The following ZFPM2 variants were observed in gnomAD, a reference collection of about 807,000 sequenced individuals.
The protein encoded by ZFPM2 is zinc finger protein, FOG family member 2.
A neutral mutation model predicts 98.6 loss-of-function variants in ZFPM2; 20 were observed. The ratio of observed to expected loss-of-function variants is 0.20; its 90% CI spans 0.14 to 0.29. The LOEUF (loss-of-function observed/expected upper bound fraction) is 0.29, where lower values mean the gene tolerates loss of function less well. ZFPM2 is among the 10% of genes least tolerant of loss of function. The pLI is 1.00. For missense variants in ZFPM2, 1,310 were observed against 1,388.6 expected, an observed-to-expected ratio of 0.94 and a Z score of 0.90; for synonymous variants, 518 against 502.7, an observed-to-expected ratio of 1.03 and a Z score of -0.41.
intron 3 of ZFPM2, among the ~76,000 whole-genome samples, chr8:105,527,600 G>A (rs992474654): frequency 1.3e-5 from 2 of 152,184 alleles, no homozygotes; most frequent in African/African-American, 4.8e-5. Context: ...TGCCCTTTTT[G>A]TAGGCTTTAC....
chr8:105,408,649 G>A (rs546185014), intron 1 of ZFPM2, among the ~76,000 whole-genome samples: 4 of 151,894 alleles, frequency 2.6e-5, no homozygotes, highest in South Asian at 2.1e-4. Flanking sequence ...AACAATATGC[G>A]GGATCTACAA....
chr8:105,701,071 A>G (rs1811130730), intron 5 of ZFPM2, among the ~76,000 whole-genome samples: 1 of 152,230 alleles, frequency 6.6e-6, no homozygotes, highest in East Asian at 1.9e-4. Flanking sequence ...TATATCAATA[A>G]CATTTTGGAT....
intron 2 of ZFPM2, among the ~76,000 whole-genome samples, chr8:105,431,514 C>T (rs947987204): frequency 3.9e-5 from 6 of 152,016 alleles, no homozygotes; most frequent in East Asian, 1.9e-4. Flanking sequence ...TCCTGGATAT[C>T]GTAGAATTTA....
intron 1 of ZFPM2, among the ~76,000 whole-genome samples, chr8:105,363,975 T>G (rs1269704136): frequency 6.6e-6 from 1 of 152,108 alleles, no homozygotes; most frequent in East Asian, 1.9e-4. Flanking sequence ...AACTGAGATA[T>G]AGGTTTTTTT....
At chr8:105,534,410 C>CCTTCCTTCCTCTCTTCCTCCTTTT (rs776246818) in intron 3 of ZFPM2, among the ~76,000 whole-genome samples, 9,044 of 140,536 alleles carry the variant, frequency 0.064, 488 homozygotes, top group African/African-American at 0.13. Context: ...ACCTTTCCTT[C>CCTTCCTTCCTCTCTTCCTCCTTTT]CTTCCTTCCT....
intron 5 of ZFPM2, among the ~76,000 whole-genome samples, chr8:105,650,144 AT>A (rs1006306207): frequency 6.6e-6 from 1 of 151,888 alleles, no homozygotes; most frequent in African/African-American, 2.4e-5. Flanking sequence ...TTTCTTCTAG[AT>A]TTTCTAGTTT....
chr8:105,433,347 A>G (rs1445604282), intron 2 of ZFPM2, among the ~76,000 whole-genome samples: 1 of 152,206 alleles, frequency 6.6e-6, no homozygotes, highest in African/African-American at 2.4e-5. Flanking sequence ...ACTGTGTTCA[A>G]TAATTCAATG....
At chr8:105,730,490 A>G (rs1449774207) in intron 5 of ZFPM2, among the ~76,000 whole-genome samples, 1 of 151,704 alleles carries the variant, frequency 6.6e-6, no homozygotes, top group African/African-American at 2.4e-5. Flanking sequence ...TAGATTTTAC[A>G]TGCACAAAGT....
chr8:105,565,253 A>T (rs1815219305), intron 4 of ZFPM2, among the ~76,000 whole-genome samples: 1 of 152,176 alleles, frequency 6.6e-6, no homozygotes. Context: ...TTTAAAAAAC[A>T]CAGAAACACC....
At chr8:105,649,019 G>A (rs1817113525) in intron 5 of ZFPM2, among the ~76,000 whole-genome samples, 1 of 152,160 alleles carries the variant, frequency 6.6e-6, no homozygotes, top group Non-Finnish European at 1.5e-5. Flanking sequence ...AGCATGGAAT[G>A]TTCTTCCATT....
chr8:105,342,277 C>A (rs1812444725), intron 1 of ZFPM2, among the ~76,000 whole-genome samples: 1 of 152,094 alleles, frequency 6.6e-6, no homozygotes, highest in African/African-American at 2.4e-5. Flanking sequence ...ATGAGCTGTG[C>A]TGAATCATTC....
chr8:105,704,243 A>C (rs1446623655), intron 5 of ZFPM2, among the ~76,000 whole-genome samples: 1 of 152,220 alleles, frequency 6.6e-6, no homozygotes, highest in Non-Finnish European at 1.5e-5. Flanking sequence ...ATAAAACTAC[A>C]TATTTCCTCC....
chr8:105,421,614 T>A (rs183074103), intron 2 of ZFPM2, among the ~76,000 whole-genome samples: 1 of 152,280 alleles, frequency 6.6e-6, no homozygotes, highest in African/African-American at 2.4e-5. Context: ...ATTCTTCACT[T>A]AAGTTGATGA....
chr8:105,598,688 G>GT (rs1188976064), intron 4 of ZFPM2, among the ~76,000 whole-genome samples: 2 of 151,940 alleles, frequency 1.3e-5, no homozygotes, highest in Non-Finnish European at 2.9e-5. Context: ...TTGCCTCCTT[G>GT]TTCCTACATT....
intron 1 of ZFPM2, among the ~76,000 whole-genome samples, chr8:105,388,850 C>T (rs1811051922): frequency 6.6e-6 from 1 of 152,144 alleles, no homozygotes; most frequent in South Asian, 2.1e-4. Context: ...TAAATTCCCT[C>T]TAGTTAAGAA....
chr8:105,669,414 T>G, intron 5 of ZFPM2, among the ~76,000 whole-genome samples: 1 of 149,294 alleles, frequency 6.7e-6, no homozygotes, highest in Non-Finnish European at 1.5e-5. Context: ...TTGGGGCAAA[T>G]ATATATATAT....
rs189923707 is a variant in ZFPM2, at chr8:105,718,795, A to G, written c.533-69923A>G. ...CAACAGTTTATTCCTCCCAACCCCC[A>G]ATTGCTTATTACATGCAATCCCCGT... On this transcript the variant is annotated intron_variant, in intron 5 of 7. Transcript: ENST00000407775. Among the ~76,000 whole-genome samples, 60 of 151,930 alleles carry G rather than the reference A, an allele frequency of 3.9e-4. 1 individual carries two copies. Among genetic ancestry groups the G allele is most frequent in the Admixed American group, 3.6e-3 (55 of 15,220 alleles).
intron 3 of ZFPM2, among the ~76,000 whole-genome samples, chr8:105,528,103 A>C (rs1250361222): frequency 6.6e-6 from 1 of 152,172 alleles, no homozygotes; most frequent in African/African-American, 2.4e-5. Context: ...GCACTTCTAG[A>C]AATGGATGCA....
At chr8:105,327,092 A>G (rs1027023149) in intron 1 of ZFPM2, among the ~76,000 whole-genome samples, 1 of 151,458 alleles carries the variant, frequency 6.6e-6, no homozygotes, top group African/African-American at 2.4e-5. Flanking sequence ...GATGATATGA[A>G]TTATTCTAAT....
Sources: gnomAD v4.1 joint callset for allele counts (sites outside exome capture counted in the v4.1 genomes callset) on GRCh38, gnomAD v4.1.1 for gene constraint, MANE v1.5 for transcripts, NCBI Gene and HGNC (gene_info 2026-07-23, HGNC 2026-07-21) for gene names.